ACOT1: variants seen among roughly 807,000 people sequenced by gnomAD.
ACOT1 encodes acyl-coenzyme A thioesterase 1.
Under a neutral mutation model 15.7 loss-of-function variants are expected in ACOT1, and 8 were observed. The ratio of observed to expected loss-of-function variants is 0.51; its 90% CI spans 0.30 to 0.92. ACOT1 has a LOEUF of 0.92. Among genes scored for constraint, ACOT1 ranks in the 40% least tolerant of loss-of-function variants. The pLI is 0.06. For synonymous variants in ACOT1, 67 were observed against 241.2 expected (o/e 0.28, Z 6.69); for missense variants, 151 against 539.4 (o/e 0.28, Z 7.13).
the ACOT1 span, chr14:73,520,812 G>T: frequency 6.4e-7 from 1 of 1,562,888 alleles, no homozygotes; most frequent in Non-Finnish European, 8.8e-7. Context: ...CCTGGCCCAT[G>T]TCCCCGTGTG....
At chr14:73,503,024 G>A in the ACOT1 span, 1 of 1,565,344 alleles carries the variant, frequency 6.4e-7, no homozygotes, top group Non-Finnish European at 8.8e-7. Flanking sequence ...CTATAAATAG[G>A]TATGATCATT....
chr14:73,513,907 G>A, the ACOT1 span: 3 of 952,162 alleles, frequency 3.2e-6, no homozygotes, highest in Non-Finnish European at 4.9e-6. Context: ...TAGCCTTAAT[G>A]AGGCAACCAG....
chr14:73,491,305 A>T, the ACOT1 span: 1 of 1,531,252 alleles, frequency 6.5e-7, no homozygotes, highest in Non-Finnish European at 8.8e-7. Flanking sequence ...GGCGAGAGCC[A>T]TACGGCCACC....
chr14:73,493,079 T>G, the ACOT1 span: 17 of 1,612,694 alleles, frequency 1.1e-5, no homozygotes, highest in Non-Finnish European at 1.4e-5. Context: ...TATCACTGCT[T>G]CAGTGTCACA....
At chr14:73,531,425 T>TC in the ACOT1 span, among the ~76,000 whole-genome samples, 1 of 101,932 alleles carries the variant, frequency 9.8e-6, no homozygotes, top group African/African-American at 3.2e-5. Context: ...TTTTTCGTCT[T>TC]TTTTTTTTTT....
chr14:73,520,771 C>G, the ACOT1 span: 1 of 1,334,574 alleles, frequency 7.5e-7, no homozygotes, highest in Non-Finnish European at 1.0e-6. Flanking sequence ...ATACCCACAA[C>G]TGTTTCCAGC....
the ACOT1 span, chr14:73,522,235 AT>A: frequency 6.3e-7 from 1 of 1,587,462 alleles, no homozygotes. Context: ...GGAGTCAGGG[AT>A]TATCAAAGGT....
At chr14:73,506,271 G>A in the ACOT1 span, among the ~76,000 whole-genome samples, 1 of 152,196 alleles carries the variant, frequency 6.6e-6, no homozygotes, top group Non-Finnish European at 1.5e-5. Flanking sequence ...GACCACCAGT[G>A]CACTGAGAAG....
the ACOT1 span, chr14:73,492,751 T>C: frequency 3.1e-6 from 5 of 1,613,968 alleles, no homozygotes; most frequent in Admixed American, 1.7e-5. The surrounding 1 kb of genome is among the most constrained non-coding windows in gnomAD (Gnocchi z 4.9). Context: ...GTGTGTATCA[T>C]CTGGAAGAAC....
At chr14:73,492,954 A>C in the ACOT1 span, 1 of 1,602,514 alleles carries the variant, frequency 6.2e-7, no homozygotes, top group Admixed American at 1.7e-5. This position sits in a 1 kb window ranked among gnomAD's most constrained non-coding sequence, Gnocchi z 4.9. Flanking sequence ...TTTCTTGTTG[A>C]TTGCTGGAAA....
Position 73,537,298 on chromosome 14 carries a change from G to C in ACOT1, c.-124G>C. 2 of 883,526 alleles carry C rather than the reference G, an allele frequency of 2.3e-6. 1 individual carries two copies. The highest frequency in any genetic ancestry group is 3.1e-6 in the Non-Finnish European group (2 of 639,316). 54.7% of individuals were successfully genotyped at this position (883,526 alleles called of 1,614,324 possible). A position where few individuals can be genotyped will look rare whatever the true frequency, so the allele number is the denominator to read the frequency against. On this transcript the variant is annotated 5_prime_UTR_variant, in exon 1 of 3. Transcript: ENST00000311148. ...ACTCTGGCCTTCCCCGCTCACATTA[G>C]CAGACAGCTCTGCCCTAGTGGGCGT...
At chr14:73,504,164 G>A in the ACOT1 span, among the ~76,000 whole-genome samples, 7 of 141,416 alleles carry the variant, frequency 4.9e-5, no homozygotes, top group African/African-American at 1.6e-4. Flanking sequence ...TGCAACCTCC[G>A]CCTCCTGGGT....
the ACOT1 span, chr14:73,523,291 TC>T: frequency 1.3e-6 from 1 of 757,380 alleles, no homozygotes; most frequent in South Asian, 2.1e-5. Context: ...CCATAGCAGT[TC>T]AGAAAGAGAA....
the ACOT1 span, among the ~76,000 whole-genome samples, chr14:73,494,111 T>C: frequency 6.6e-6 from 1 of 152,218 alleles, no homozygotes; most frequent in Non-Finnish European, 1.5e-5. Flanking sequence ...GAAGGAAGGC[T>C]ACTGTTCAAG....
In ACOT1 at chr14:73,543,594, TC is replaced by T; in HGVS notation, c.1207del (p.Gln403ArgfsTer31). On this transcript the variant is annotated frameshift_variant, in exon 3 of 3. Transcript: ENST00000311148. LOFTEE classifies it low-confidence loss of function (END_TRUNC). ...AMAQVDAWKQ[L>X]QTFFHKHLGG... ...GCTCAGGTGGATGCTTGGAAACAAC[TC>T]CAGACTTTCTTCCACAAACACTTGG... The T allele has an allele frequency of 1.4e-6, 1 of 732,910 alleles. No homozygotes were observed. Among genetic ancestry groups the T allele is most frequent in the Non-Finnish European group, 2.0e-6 (1 of 493,332 alleles). 45.4% of individuals were successfully genotyped at this position (732,910 alleles called of 1,614,324 possible).
the ACOT1 span, chr14:73,495,115 C>G: frequency 3.9e-5 from 33 of 845,754 alleles, no homozygotes; most frequent in Non-Finnish European, 6.1e-5. Context: ...AGAGAGTACC[C>G]TTTCCTGACT....
chr14:73,514,418 T>A, the ACOT1 span, among the ~76,000 whole-genome samples: 1 of 151,990 alleles, frequency 6.6e-6, no homozygotes, highest in Admixed American at 6.6e-5. Flanking sequence ...TTATGGAAAG[T>A]CCTGACTAGA....
At chr14:73,509,811 C>CATATAT in the ACOT1 span, among the ~76,000 whole-genome samples, 32 of 19,492 alleles carry the variant, frequency 1.6e-3, 2 homozygotes, top group Non-Finnish European at 2.3e-3. Context: ...CCCATGAGCC[C>CATATAT]ATATATATAT....
the ACOT1 span, chr14:73,523,150 C>A: frequency 6.3e-7 from 1 of 1,585,738 alleles, no homozygotes. Flanking sequence ...GGGTCCTGGT[C>A]ATACCGCGTC....
Sources: gnomAD v4.1 joint callset for allele counts (sites outside exome capture counted in the v4.1 genomes callset) on GRCh38, gnomAD v4.1.1 for gene constraint, Gnocchi (gnomAD v3.1) non-coding constraint, MANE v1.5 for transcripts, NCBI Gene and HGNC (gene_info 2026-07-23, HGNC 2026-07-21) for gene names.